Variants in PCDHGA4 observed in about 807,000 individuals in gnomAD.
PCDHGA4 encodes protocadherin gamma subfamily A, 4, also known as protocadherin gamma-A4.
In PCDHGA4, 38 loss-of-function variants were observed where a neutral mutation model predicts 54.6. The observed-to-expected ratio is 0.70, with a 90% CI of 0.54 to 0.91. The LOEUF (loss-of-function observed/expected upper bound fraction) is 0.91, where lower values mean the gene tolerates loss of function less well. Ranked by LOEUF, PCDHGA4 falls within the 40% of genes least tolerant of loss-of-function variation. The pLI is 0.00. For synonymous variants in PCDHGA4, 511 were observed against 512.9 expected (o/e 1.00, Z 0.05); for missense variants, 1,298 against 1,220.9 (o/e 1.06, Z -0.94).
intron 2 of PCDHGA4, among the ~76,000 whole-genome samples, chr5:141,495,702 T>G (rs1462896403): frequency 6.6e-6 from 1 of 152,212 alleles, no homozygotes; most frequent in African/African-American, 2.4e-5. Context: ...TCAATAAATG[T>G]GGAGTGAGTA....
chr5:141,474,970 A>G (rs1309289477), intron 1 of PCDHGA4, among the ~76,000 whole-genome samples: 4 of 152,212 alleles, frequency 2.6e-5, no homozygotes, highest in African/African-American at 9.6e-5. Context: ...TAATCATTAT[A>G]ATTTTGTTTG....
chr5:141,511,711 T>G lies in PCDHGA4; in HGVS notation c.*538T>G. 1 of 185,916 alleles carries G rather than the reference T, an allele frequency of 5.4e-6. No individual in the cohort carries two copies. Among genetic ancestry groups the G allele is most frequent in the South Asian group, 1.1e-4 (1 of 8,818 alleles). The allele number at this position is 185,916 out of a possible 1,614,324, so 11.5% of individuals were successfully genotyped here. A position where few individuals can be genotyped will look rare whatever the true frequency, so the allele number is the denominator to read the frequency against. Reference sequence around the variant, plus strand: ...GTTTGGTGCCAGCCCCTTCACCTCCTTCCAGAGCCCAAGATCAATGCTCAA... The same window carrying G: ...GTTTGGTGCCAGCCCCTTCACCTCCGTCCAGAGCCCAAGATCAATGCTCAA... On this transcript the variant is annotated 3_prime_UTR_variant, in exon 4 of 4. Transcript: ENST00000571252.
chr5:141,366,867 A>G (rs1025500937), intron 1 of PCDHGA4: 18 of 1,412,872 alleles, frequency 1.3e-5, no homozygotes, highest in African/African-American at 2.9e-5. Context: ...TATTTGCTGT[A>G]TTGGAGATTA....
intron 1 of PCDHGA4, among the ~76,000 whole-genome samples, chr5:141,433,559 G>A (rs2154555800): frequency 6.6e-6 from 1 of 152,212 alleles, no homozygotes; most frequent in Non-Finnish European, 1.5e-5. Context: ...TTTCTGGCTG[G>A]GCGCGGTGGC....
intron 1 of PCDHGA4, chr5:141,392,932 A>T (rs1334314898): frequency 6.2e-7 from 1 of 1,613,830 alleles, no homozygotes; most frequent in African/African-American, 1.3e-5. Flanking sequence ...GAAGAGACGG[A>T]CAAAGGCTCC....
chr5:141,414,588 G>A, intron 1 of PCDHGA4: 1 of 1,613,872 alleles, frequency 6.2e-7, no homozygotes, highest in Non-Finnish European at 8.5e-7. Flanking sequence ...ACAACGCCAG[G>A]GGTGCCTCCA....
At chr5:141,453,319 G>T (rs2098762311) in intron 1 of PCDHGA4, among the ~76,000 whole-genome samples, 1 of 151,492 alleles carries the variant, frequency 6.6e-6, no homozygotes, top group Admixed American at 6.6e-5. Flanking sequence ...TTATTTTAGA[G>T]ATGGGGTCTC....
At chr5:141,385,055 G>A (rs773905363) in intron 1 of PCDHGA4, 3 of 1,614,182 alleles carry the variant, frequency 1.9e-6, no homozygotes, top group South Asian at 1.1e-5. Context: ...CTGCGGCGCT[G>A]GCACAAGTCA....
rs1372113910 is a variant in PCDHGA4, at chr5:141,384,481, C to T, written c.2514+26860C>T. On this transcript the variant is annotated intron_variant, in intron 1 of 3. Coordinates refer to ENST00000571252, the MANE Select transcript of PCDHGA4 (RefSeq NM_018917.4). ...CTTTGATTATGAGCAGTTGAGAGAA[C>T]TACAACTAAGAGTGACTGCACATGA... 1.9e-6 allele frequency: 3 copies of T among 1,614,022 alleles called. No homozygotes were observed. The Admixed American group carries it at 5.0e-5, about 27-fold the overall frequency.
chr5:141,400,299 A>C, intron 1 of PCDHGA4: 1 of 1,613,834 alleles, frequency 6.2e-7, no homozygotes, highest in South Asian at 1.1e-5. Context: ...GCTGCTTCCA[A>C]CCTGGTCTCT....
intron 1 of PCDHGA4, chr5:141,423,068 A>T: frequency 6.2e-7 from 1 of 1,614,090 alleles, no homozygotes; most frequent in Non-Finnish European, 8.5e-7. Context: ...AAGGCCAGCG[A>T]GCCGGGACTC....
intron 1 of PCDHGA4, among the ~76,000 whole-genome samples, chr5:141,470,537 A>G (rs189730495): frequency 1.3e-5 from 2 of 152,256 alleles, no homozygotes; most frequent in Non-Finnish European, 2.9e-5. Context: ...TGTATCAGGT[A>G]ATATTTATTG....
Position 141,357,158 on chromosome 5 carries a change from CT to C in PCDHGA4, c.2052del (p.Leu685SerfsTer59), listed in dbSNP as rs1186682296. 1.2e-6 allele frequency: 2 copies of C among 1,613,554 alleles called. No homozygotes were observed. The highest frequency in any genetic ancestry group is 1.6e-4 in the Middle Eastern group (1 of 6,084). The part of the protein sequence containing the change: ...VVVVQDHGQP[P>X]LSATVTLTVA... ...GTCGTCCAGGACCATGGCCAGCCCC[CT>C]CTCTCGGCCACCGTCACACTCACTG... On this transcript the variant is annotated frameshift_variant, in exon 1 of 4. Coordinates refer to ENST00000571252, the MANE Select transcript of PCDHGA4 (RefSeq NM_018917.4). LOFTEE classifies it high-confidence loss of function.
chr5:141,365,943 G>C (rs759969199), intron 1 of PCDHGA4: 3 of 1,614,204 alleles, frequency 1.9e-6, no homozygotes, highest in Non-Finnish European at 2.5e-6. Context: ...AGCGACAGTG[G>C]GAACCCTCCA....
At chr5:141,389,500 C>A in intron 1 of PCDHGA4, 1 of 1,613,056 alleles carries the variant, frequency 6.2e-7, no homozygotes, top group Non-Finnish European at 8.5e-7. Context: ...GGCTCGCCAG[C>A]GCTCAGCGCG....
intron 1 of PCDHGA4, chr5:141,386,063 G>A (rs2090447648): frequency 6.6e-6 from 1 of 152,220 alleles, no homozygotes; most frequent in South Asian, 2.1e-4. Flanking sequence ...GAGAATTCCA[G>A]TATGTTGTTT....
chr5:141,361,195 A>T (rs369211493), intron 1 of PCDHGA4: 1 of 1,613,574 alleles, frequency 6.2e-7, no homozygotes, highest in Non-Finnish European at 8.5e-7. Context: ...TTCAGTATCT[A>T]CTCCCCTACC....
intron 1 of PCDHGA4, chr5:141,375,536 G>A: frequency 6.2e-7 from 1 of 1,613,972 alleles, no homozygotes; most frequent in African/African-American, 1.3e-5. Flanking sequence ...GGACCAGAAC[G>A]CCCAAGTCTC....
chr5:141,374,409 T>C (rs1392651465), intron 1 of PCDHGA4: 24 of 1,613,920 alleles, frequency 1.5e-5, no homozygotes, highest in Non-Finnish European at 1.9e-5. Context: ...TTTAACATCC[T>C]TGTCGAGGAT....
Sources: allele counts gnomAD v4.1 joint callset (sites outside exome capture counted in the v4.1 genomes callset), GRCh38; gene constraint gnomAD v4.1.1; transcripts MANE v1.5; gene names NCBI Gene and HGNC (gene_info 2026-07-23, HGNC 2026-07-21).